The following IMMP2L variants were observed in gnomAD, a reference collection of about 807,000 sequenced individuals.
IMMP2L encodes the protein mitochondrial inner membrane protease subunit 2.
Under a neutral mutation model 19.3 loss-of-function variants are expected in IMMP2L, and 18 were observed. The ratio of observed to expected loss-of-function variants is 0.93; its 90% confidence interval spans 0.64 to 1.38. The LOEUF (loss-of-function observed/expected upper bound fraction) is 1.38, where lower values mean the gene tolerates loss of function less well. IMMP2L is among the 40% of genes most tolerant of loss of function. The pLI is 0.00. For missense variants in IMMP2L, 233 were observed against 218.2 expected (o/e 1.07, Z -0.43); for synonymous variants, 76 against 73.0 (o/e 1.04, Z -0.21).
At chr7:110,904,789 C>A (rs560502880) in intron 4 of IMMP2L, among the ~76,000 whole-genome samples, 1 of 152,112 alleles carries the variant, frequency 6.6e-6, no homozygotes, top group Admixed American at 6.5e-5. Context: ...GGCTAAATTG[C>A]GATTTGTCAG....
intron 3 of IMMP2L, among the ~76,000 whole-genome samples, chr7:111,286,426 T>TCC (rs1233255297): frequency 3.2e-4 from 48 of 152,202 alleles, no homozygotes; most frequent in African/African-American, 1.1e-3. Flanking sequence ...AATCTGTCAA[T>TCC]GATTACACCA....
chr7:111,460,170 C>G (rs1289242346), intron 3 of IMMP2L, among the ~76,000 whole-genome samples: 1 of 152,108 alleles, frequency 6.6e-6, no homozygotes, highest in Non-Finnish European at 1.5e-5. Flanking sequence ...CAAATTGTAA[C>G]TCACACTTAA....
intron 3 of IMMP2L, among the ~76,000 whole-genome samples, chr7:111,047,017 C>T (rs1314788947): frequency 3.3e-5 from 5 of 152,150 alleles, no homozygotes; most frequent in African/African-American, 1.2e-4. Flanking sequence ...ATCTCCTTTG[C>T]TACTTTCATA....
At chr7:111,118,773 C>T (rs905492403) in intron 3 of IMMP2L, among the ~76,000 whole-genome samples, 3 of 152,018 alleles carry the variant, frequency 2.0e-5, no homozygotes, top group Non-Finnish European at 4.4e-5. Flanking sequence ...CAATATTATG[C>T]TAAAGAAACG....
intron 4 of IMMP2L, among the ~76,000 whole-genome samples, chr7:110,927,693 A>G (rs1815004236): frequency 6.6e-6 from 1 of 152,148 alleles, no homozygotes; most frequent in Non-Finnish European, 1.5e-5. Flanking sequence ...TCCAGAAAAG[A>G]ATGCAGCTTT....
chr7:110,968,721 G>A (rs765320532), intron 3 of IMMP2L, among the ~76,000 whole-genome samples: 18 of 152,034 alleles, frequency 1.2e-4, no homozygotes, highest in Admixed American at 3.3e-4. Flanking sequence ...CCACAGTCCC[G>A]CCAGCTTGTT....
At chr7:111,493,337 G>A (rs1282252489) in intron 2 of IMMP2L, among the ~76,000 whole-genome samples, 1 of 152,016 alleles carries the variant, frequency 6.6e-6, no homozygotes, top group Non-Finnish European at 1.5e-5. Context: ...TCTTGAATTG[G>A]GAAGTTGTTC....
chr7:110,939,982 G>A (rs118045372), intron 4 of IMMP2L, among the ~76,000 whole-genome samples: 1 of 152,182 alleles, frequency 6.6e-6, no homozygotes, highest in East Asian at 1.9e-4. Flanking sequence ...CTCCTTATCT[G>A]GAAATAAGGG....
intron 4 of IMMP2L, among the ~76,000 whole-genome samples, chr7:110,887,789 TG>T (rs1161225044): frequency 6.6e-6 from 1 of 151,576 alleles, no homozygotes; most frequent in Non-Finnish European, 1.5e-5. Context: ...GGAAAACGCC[TG>T]GCCTAAAGAA....
At chr7:111,014,501 G>T (rs1825300188) in intron 3 of IMMP2L, among the ~76,000 whole-genome samples, 2 of 152,032 alleles carry the variant, frequency 1.3e-5, no homozygotes, top group African/African-American at 4.8e-5. Context: ...ATCATAAGTT[G>T]ACTATTTAAA....
At chr7:110,738,016 C>T (rs895305053) in intron 5 of IMMP2L, among the ~76,000 whole-genome samples, 1 of 152,300 alleles carries the variant, frequency 6.6e-6, no homozygotes, top group African/African-American at 2.4e-5. Context: ...GGGGAGAACA[C>T]CCCATCAATG....
At chr7:111,391,326 C>A (rs1230482486) in intron 3 of IMMP2L, among the ~76,000 whole-genome samples, 1 of 152,134 alleles carries the variant, frequency 6.6e-6, no homozygotes, top group Admixed American at 6.6e-5. Context: ...CTTCTTCCCA[C>A]CCCTGAGCTT....
In IMMP2L at chr7:111,066,176, C is replaced by T. The variant is rs1387345054; in HGVS notation, c.240-102611G>A. On this transcript the variant is annotated intron_variant, in intron 3 of 5. Transcript: ENST00000405709. ...GTATTTTTTAAAAGTAGAGATGGGG[C>T]TTCTCCATATTGGCCAGGCTGGTCT... Among the ~76,000 whole-genome samples the T allele has an allele frequency of 2.0e-5, 3 of 151,808 alleles. No individual in the cohort carries two copies. In the East Asian group the frequency reaches 5.8e-4, roughly 30 times the overall value.
chr7:110,845,471 C>T (rs896057744), intron 5 of IMMP2L, among the ~76,000 whole-genome samples: 1 of 152,032 alleles, frequency 6.6e-6, no homozygotes, highest in Non-Finnish European at 1.5e-5. Flanking sequence ...CTGTTAATGA[C>T]TTAAGGGCCC....
At chr7:110,763,137 A>G (rs934706859) in intron 5 of IMMP2L, among the ~76,000 whole-genome samples, 1 of 152,230 alleles carries the variant, frequency 6.6e-6, no homozygotes, top group East Asian at 1.9e-4. Context: ...CTTTGGGATA[A>G]CATCCTGAGA....
At chr7:110,734,423 AT>A (rs1274191361) in intron 5 of IMMP2L, among the ~76,000 whole-genome samples, 2 of 152,206 alleles carry the variant, frequency 1.3e-5, no homozygotes, top group African/African-American at 4.8e-5. Context: ...GAAATAGGGT[AT>A]TTGGCAGAAG....
intron 5 of IMMP2L, among the ~76,000 whole-genome samples, chr7:110,683,949 T>C (rs1792921089): frequency 6.6e-6 from 1 of 152,114 alleles, no homozygotes; most frequent in Admixed American, 6.5e-5. Flanking sequence ...TCAATAAACA[T>C]GGTGGCAGAA....
intron 5 of IMMP2L, among the ~76,000 whole-genome samples, chr7:110,748,995 A>C (rs892254604): frequency 6.6e-6 from 1 of 152,214 alleles, no homozygotes; most frequent in African/African-American, 2.4e-5. Flanking sequence ...TTTGCAATCT[A>C]TCCATCTGAC....
chr7:111,303,371 A>G (rs1822475913), intron 3 of IMMP2L, among the ~76,000 whole-genome samples: 1 of 152,154 alleles, frequency 6.6e-6, no homozygotes, highest in Non-Finnish European at 1.5e-5. Flanking sequence ...CTCTGGCTGA[A>G]TAAATTTAAA....
Sources: gnomAD v4.1 joint callset for allele counts (sites outside exome capture counted in the v4.1 genomes callset) on GRCh38, gnomAD v4.1.1 for gene constraint, MANE v1.5 for transcripts, NCBI Gene and HGNC (gene_info 2026-07-23, HGNC 2026-07-21) for gene names.